Variants in FOXP1 observed in about 807,000 individuals in gnomAD.
The protein encoded by FOXP1 is forkhead box protein P1.
A neutral mutation model predicts 98.2 loss-of-function variants in FOXP1; 15 were observed. That is an observed-to-expected ratio of 0.15 (90% CI 0.10 to 0.24). The LOEUF is 0.24. FOXP1 is among the 10% of genes least tolerant of loss of function. The pLI, the probability that FOXP1 is intolerant of heterozygous loss-of-function variation, is 1.00. For synonymous variants in FOXP1, 371 were observed against 314.5 expected (o/e 1.18, Z -1.90); for missense variants, 633 against 848.5 (o/e 0.75, Z 3.15).
intron 4 of FOXP1, chr3:71,334,893 G>A (rs1431805221): frequency 6.6e-6 from 1 of 152,142 alleles, no homozygotes; most frequent in Non-Finnish European, 1.5e-5. Context: ...AAGTACAATA[G>A]GGTTAGAGTT....
chr3:71,062,650 C>T (rs2051695520), intron 7 of FOXP1, among the ~76,000 whole-genome samples: 1 of 152,156 alleles, frequency 6.6e-6, no homozygotes, highest in Admixed American at 6.5e-5. Flanking sequence ...AACAGAAAGC[C>T]TACCTTACCT....
intron 6 of FOXP1, among the ~76,000 whole-genome samples, chr3:71,176,582 C>A (rs529942672): frequency 6.6e-6 from 1 of 152,072 alleles, no homozygotes; most frequent in African/African-American, 2.4e-5. Context: ...CTGGATAAAA[C>A]AAAGGCCTGC....
At chr3:71,423,506 T>G (rs1162314784) in intron 3 of FOXP1, among the ~76,000 whole-genome samples, 3 of 152,236 alleles carry the variant, frequency 2.0e-5, no homozygotes, top group African/African-American at 2.4e-5. Context: ...CTTTATAGGA[T>G]ATCCGGGATT....
chr3:71,265,970 C>T (rs2069609168), intron 5 of FOXP1, among the ~76,000 whole-genome samples: 1 of 152,182 alleles, frequency 6.6e-6, no homozygotes, highest in African/African-American at 2.4e-5. Context: ...GGTCTAATGA[C>T]TTGGTGTCGT....
chr3:71,177,808 A>C (rs2062027350), intron 6 of FOXP1, among the ~76,000 whole-genome samples: 1 of 150,684 alleles, frequency 6.6e-6, no homozygotes, highest in East Asian at 1.9e-4. Flanking sequence ...TACTACTAAT[A>C]ATACTGATAG....
chr3:71,568,116 G>A (rs1196202622), intron 2 of FOXP1, among the ~76,000 whole-genome samples: 1 of 151,276 alleles, frequency 6.6e-6, no homozygotes, highest in Non-Finnish European at 1.5e-5. Flanking sequence ...AGGAAGGGAA[G>A]GGGAGGGAAG....
intron 6 of FOXP1, among the ~76,000 whole-genome samples, chr3:71,147,842 A>G (rs2060385337): frequency 6.6e-6 from 1 of 152,224 alleles, no homozygotes; most frequent in African/African-American, 2.4e-5. Flanking sequence ...GTGGGAATGC[A>G]TTTTCAAATG....
chr3:71,123,306 G>A (rs763078046), intron 6 of FOXP1, among the ~76,000 whole-genome samples: 1 of 152,120 alleles, frequency 6.6e-6, no homozygotes, highest in South Asian at 2.1e-4. Context: ...CCAAGCAGGC[G>A]GACAGGAAGG....
intron 3 of FOXP1, among the ~76,000 whole-genome samples, chr3:71,475,607 G>A (rs1015671279): frequency 2.0e-5 from 3 of 152,136 alleles, no homozygotes; most frequent in African/African-American, 7.2e-5. Flanking sequence ...CTTTGGGAGG[G>A]TGAGGTGGGC....
chr3:71,073,880 T>C (rs1294397405), intron 7 of FOXP1, among the ~76,000 whole-genome samples: 3 of 152,162 alleles, frequency 2.0e-5, no homozygotes, highest in African/African-American at 7.2e-5. Flanking sequence ...GGGACCCTCT[T>C]CATTTGCTGG....
At chr3:71,371,265 T>C (rs958662249) in intron 3 of FOXP1, among the ~76,000 whole-genome samples, 1 of 152,186 alleles carries the variant, frequency 6.6e-6, no homozygotes, top group Non-Finnish European at 1.5e-5. Context: ...TCACCGCCAG[T>C]TAGAAAAGGG....
intron 2 of FOXP1, among the ~76,000 whole-genome samples, chr3:71,509,694 CA>C (rs1452391643): frequency 6.6e-6 from 1 of 152,078 alleles, no homozygotes; most frequent in African/African-American, 2.4e-5. Flanking sequence ...CCAGCCTGGG[CA>C]ACATAAAGAA....
chr3:70,991,692 T>C (rs1365845937), intron 13 of FOXP1, among the ~76,000 whole-genome samples: 1 of 152,190 alleles, frequency 6.6e-6, no homozygotes, highest in Non-Finnish European at 1.5e-5. Flanking sequence ...GCCAAGACAC[T>C]CCTTTGATTT....
At chr3:71,128,354 T>C (rs1156695004) in intron 6 of FOXP1, among the ~76,000 whole-genome samples, 1 of 152,074 alleles carries the variant, frequency 6.6e-6, no homozygotes, top group East Asian at 1.9e-4. Flanking sequence ...TAATATAGAT[T>C]TGAGCCTTTC....
intron 3 of FOXP1, among the ~76,000 whole-genome samples, chr3:71,390,457 C>T (rs2080948615): frequency 6.6e-6 from 1 of 151,998 alleles, no homozygotes; most frequent in Non-Finnish European, 1.5e-5. Context: ...ACTTTGTAAA[C>T]CAAAGGCAGA....
intron 4 of FOXP1, among the ~76,000 whole-genome samples, chr3:71,339,929 G>A (rs1182392087): frequency 6.6e-6 from 1 of 152,102 alleles, no homozygotes; most frequent in African/African-American, 2.4e-5. Context: ...GAAAAACCAT[G>A]TTTCATTCAT....
chr3:71,204,108 G>A (rs1190691863), intron 5 of FOXP1, among the ~76,000 whole-genome samples: 1 of 152,202 alleles, frequency 6.6e-6, no homozygotes, highest in African/African-American at 2.4e-5. Context: ...ATAAGGATGA[G>A]ACTCAGACTA....
In FOXP1 at chr3:70,965,946, C is replaced by T; in HGVS notation, c.1833G>A (p.Glu611=). 6.2e-7 allele frequency: 1 copy of T among 1,614,150 alleles called. No individual in the cohort carries two copies. Among genetic ancestry groups the T allele is most frequent in the Non-Finnish European group, 8.5e-7 (1 of 1,180,016 alleles). ...TGTCACTCTCGTTGCTGTTGGTATG[C>T]TCCATTGCCCCGTTCAGCTCTTCCC... ...AIREELNGAM[E]HTNSNESDSS... is the part of the protein sequence containing the mutation. Residue 611 remains glutamate, a synonymous_variant, in exon 20 of 21, where the codon GAG becomes GAA. Transcript: ENST00000649528.
chr3:71,010,479 G>A (rs2043431738), intron 12 of FOXP1, among the ~76,000 whole-genome samples: 1 of 152,104 alleles, frequency 6.6e-6, no homozygotes, highest in Admixed American at 6.6e-5. Flanking sequence ...AGCATTTCGG[G>A]ACTATGCCTG....
Sources: allele counts gnomAD v4.1 joint callset (sites outside exome capture counted in the v4.1 genomes callset), GRCh38; gene constraint gnomAD v4.1.1; transcripts MANE v1.5; gene names NCBI Gene and HGNC (gene_info 2026-07-23, HGNC 2026-07-21).